Variants in CDH18 observed in about 807,000 individuals in gnomAD.
The protein encoded by CDH18 is cadherin-18.
A neutral mutation model predicts 67.9 loss-of-function variants in CDH18; 31 were observed. The observed-to-expected ratio is 0.46, with a 90% CI of 0.34 to 0.62. CDH18 has a LOEUF of 0.62. Among genes scored for constraint, CDH18 ranks in the 20% least tolerant of loss-of-function variants. The probability of loss-of-function intolerance (pLI) is 0.01; values close to 1 mark genes in which losing one functional copy is unlikely to be tolerated. For missense variants in CDH18, 890 were observed against 975.5 expected (o/e 0.91, Z 1.17); for synonymous variants, 362 against 347.2 (o/e 1.04, Z -0.48).
chr5:19,480,692 G>A (rs961229329), intron 12 of CDH18, among the ~76,000 whole-genome samples: 1 of 151,856 alleles, frequency 6.6e-6, no homozygotes, highest in Non-Finnish European at 1.5e-5. Flanking sequence ...AGTTTCTAAA[G>A]GCTCTTTTCC....
At chr5:20,534,766 A>G (rs1376709616) in intron 1 of CDH18, among the ~76,000 whole-genome samples, 1 of 151,944 alleles carries the variant, frequency 6.6e-6, no homozygotes, top group African/African-American at 2.4e-5. Context: ...CCTGAACATC[A>G]AAATTATTTA....
intron 1 of CDH18, among the ~76,000 whole-genome samples, chr5:20,559,302 A>G (rs188012354): frequency 6.6e-6 from 1 of 152,210 alleles, no homozygotes; most frequent in African/African-American, 2.4e-5. Flanking sequence ...CTTCCTCCCC[A>G]GGAATAATAC....
chr5:20,269,437 A>C (rs1030715929), intron 1 of CDH18, among the ~76,000 whole-genome samples: 39 of 152,326 alleles, frequency 2.6e-4, no homozygotes, highest in African/African-American at 9.1e-4. Flanking sequence ...TTATCACAGC[A>C]CTATTCACAA....
At chr5:19,863,309 G>T (rs764807280) in intron 2 of CDH18, among the ~76,000 whole-genome samples, 1 of 152,066 alleles carries the variant, frequency 6.6e-6, no homozygotes, top group African/African-American at 2.4e-5. Context: ...AACAATGTCC[G>T]TGATGTCAAA....
chr5:19,904,174 TGAA>T (rs1039150760), intron 2 of CDH18, among the ~76,000 whole-genome samples: 5 of 151,000 alleles, frequency 3.3e-5, no homozygotes, highest in African/African-American at 4.9e-5. Context: ...CTCAGGAGGC[TGAA>T]GAAGGAGAAT....
rs553300886 is a variant in CDH18, at chr5:19,868,240, G to A, written c.-256-28998C>T. ...ATAATAATGAATGATTACCTGCAAA[G>A]TTTCCTCTATCCCTCTCCCAATTTC... is the stretch of plus-strand genomic sequence containing the variant. On this transcript the variant is annotated intron_variant, in intron 2 of 12. Coordinates refer to ENST00000382275, the MANE Select transcript of CDH18 (RefSeq NM_004934.5). Among the ~76,000 whole-genome samples, 11 of 152,184 alleles carry A rather than the reference G, an allele frequency of 7.2e-5. No individual in the cohort carries two copies. In the East Asian group the frequency reaches 2.1e-3, roughly 29 times the overall value.
chr5:19,772,189 T>G (rs949223728), intron 3 of CDH18, among the ~76,000 whole-genome samples: 1 of 152,202 alleles, frequency 6.6e-6, no homozygotes, highest in African/African-American at 2.4e-5. Context: ...ATACTTGTTT[T>G]GCATTTACAA....
At chr5:19,956,984 T>C (rs888258041) in intron 2 of CDH18, among the ~76,000 whole-genome samples, 1 of 152,000 alleles carries the variant, frequency 6.6e-6, no homozygotes, top group African/African-American at 2.4e-5. Flanking sequence ...TAGCTATCTA[T>C]AATTACTTTT....
intron 11 of CDH18, among the ~76,000 whole-genome samples, chr5:19,493,459 G>A (rs372203146): frequency 6.6e-5 from 10 of 152,114 alleles, no homozygotes; most frequent in African/African-American, 2.4e-4. Context: ...GAAGGGTGAT[G>A]ATAAATAATA....
chr5:19,947,350 T>C (rs1468890493), intron 2 of CDH18, among the ~76,000 whole-genome samples: 1 of 151,942 alleles, frequency 6.6e-6, no homozygotes, highest in Non-Finnish European at 1.5e-5. Context: ...AATGTAATTA[T>C]AAAATCACAC....
chr5:19,590,292 T>G (rs1428926484), intron 7 of CDH18, among the ~76,000 whole-genome samples: 1 of 152,152 alleles, frequency 6.6e-6, no homozygotes, highest in East Asian at 1.9e-4. Context: ...ATTTTATATG[T>G]ACCAGTGGTG....
intron 5 of CDH18, among the ~76,000 whole-genome samples, chr5:19,651,955 T>C (rs1755640622): frequency 6.6e-6 from 1 of 152,022 alleles, no homozygotes; most frequent in Non-Finnish European, 1.5e-5. Context: ...TATTAACACT[T>C]GTAAGTTTCT....
Position 19,839,271 on chromosome 5 carries a change from AC to A in CDH18, c.-256-30del, listed in dbSNP as rs1782009345. 1.1e-5 allele frequency: 4 copies of A among 365,968 alleles called. No individual in the cohort carries two copies. In the South Asian group the frequency reaches 1.4e-4, roughly 13 times the overall value. 22.7% of individuals were successfully genotyped at this position (365,968 alleles called of 1,614,324 possible). On this transcript the variant is annotated intron_variant, in intron 2 of 12. Coordinates refer to ENST00000382275, the MANE Select transcript of CDH18 (RefSeq NM_004934.5). ...ATGGAAAGAGAAAATTATATGTGTTACAAAACACGGTTTTTTTAACTATTTG... is the reference window on the plus strand; with the variant it reads ...ATGGAAAGAGAAAATTATATGTGTTAAAAACACGGTTTTTTTAACTATTTG...
At chr5:20,074,486 T>C (rs1743754290) in intron 2 of CDH18, among the ~76,000 whole-genome samples, 1 of 152,126 alleles carries the variant, frequency 6.6e-6, no homozygotes, top group African/African-American at 2.4e-5. Flanking sequence ...CCTTGTAAAG[T>C]CAAGGAAGGA....
chr5:20,545,654 C>A (rs1757302605), intron 1 of CDH18, among the ~76,000 whole-genome samples: 1 of 152,188 alleles, frequency 6.6e-6, no homozygotes. Flanking sequence ...CTGCACAGAG[C>A]AGCAGGATTC....
At chr5:19,512,375 T>A (rs1195934125) in intron 10 of CDH18, among the ~76,000 whole-genome samples, 1 of 152,192 alleles carries the variant, frequency 6.6e-6, no homozygotes, top group African/African-American at 2.4e-5. Flanking sequence ...TTTCAAATGA[T>A]ATTTTTAATT....
chr5:20,100,487 T>C (rs1746361858), intron 2 of CDH18, among the ~76,000 whole-genome samples: 1 of 152,226 alleles, frequency 6.6e-6, no homozygotes, highest in Non-Finnish European at 1.5e-5. Context: ...TAATTTGTTT[T>C]CTACACCTGC....
intron 2 of CDH18, among the ~76,000 whole-genome samples, chr5:20,181,614 G>A (rs1453107536): frequency 6.6e-6 from 1 of 152,132 alleles, no homozygotes; most frequent in Non-Finnish European, 1.5e-5. Flanking sequence ...TTGATACGCA[G>A]TAACATAGAT....
At chr5:19,681,484 T>G (rs964230618) in intron 5 of CDH18, among the ~76,000 whole-genome samples, 1 of 152,056 alleles carries the variant, frequency 6.6e-6, no homozygotes, top group African/African-American at 2.4e-5. Flanking sequence ...TAAAAACTAC[T>G]TTCTTATATT....
Sources: gnomAD v4.1 joint callset for allele counts (sites outside exome capture counted in the v4.1 genomes callset) on GRCh38, gnomAD v4.1.1 for gene constraint, MANE v1.5 for transcripts, NCBI Gene and HGNC (gene_info 2026-07-23, HGNC 2026-07-21) for gene names.